Variants in GUCA1A observed in about 807,000 individuals in gnomAD.
GUCA1A encodes guanylyl cyclase-activating protein 1.
Under a neutral mutation model 18.5 loss-of-function variants are expected in GUCA1A, and 14 were observed. The observed-to-expected ratio is 0.76, with a 90% CI of 0.50 to 1.18. GUCA1A has a LOEUF of 1.18. Ranked by LOEUF, GUCA1A falls within the 50% of genes most tolerant of loss-of-function variation. The pLI is 0.00. For synonymous variants in GUCA1A, 97 were observed against 100.2 expected, an observed-to-expected ratio of 0.97 and a Z score of 0.19; for missense variants, 264 against 262.4, an observed-to-expected ratio of 1.01 and a Z score of -0.04.
Position 42,176,425 on chromosome 6 carries a change from G to GTT in GUCA1A, c.202-1850_202-1849dup, listed in dbSNP as rs11435399. ...AAGTTTTTGTTGTTGTTGTTGTTTT[G>GTT]TTTTTTGTTGTTGTTGTTGTTTTTT... On this transcript the variant is annotated intron_variant, in intron 1 of 3. Coordinates refer to ENST00000372958, the MANE Select transcript of GUCA1A (RefSeq NM_001384910.1). Among the ~76,000 whole-genome samples the GTT allele has an allele frequency of 4.6e-3, 699 of 151,806 alleles. 4 individuals carry two copies. Among genetic ancestry groups the GTT allele is most frequent in the African/African-American group, 0.016 (681 of 41,296 alleles).
intron 1 of GUCA1A, among the ~76,000 whole-genome samples, chr6:42,176,919 G>A (rs1409838634): frequency 6.6e-6 from 1 of 152,142 alleles, no homozygotes; most frequent in Non-Finnish European, 1.5e-5. Context: ...TTACTCTTTG[G>A]CTCTTTACAG....
chr6:42,178,607 C>T (rs1325663497), intron 2 of GUCA1A, 178 bp downstream of exon 2: 2 of 808,352 alleles, frequency 2.5e-6, no homozygotes, highest in African/African-American at 3.4e-5. Flanking sequence ...CTTCCTTGGC[C>T]TCAGTTTCCT....
chr6:42,176,002 G>A (rs569580804), intron 1 of GUCA1A, among the ~76,000 whole-genome samples: 4 of 145,614 alleles, frequency 2.7e-5, no homozygotes, highest in South Asian at 2.1e-4. Context: ...AGCACCTGTC[G>A]TCTTCCAATA....
chr6:42,173,562 C>A lies in GUCA1A; in HGVS notation c.-52C>A. On this transcript the variant is annotated 5_prime_UTR_variant, in exon 1 of 4. Transcript: ENST00000372958. ...GGCCAAGACACCTTTGGGCGAGGAG[C>A]AGCGAACAGGGCCTGTCCATCTCAG... is the stretch of plus-strand genomic sequence containing the variant. 2 of 1,446,220 alleles carry A rather than the reference C, an allele frequency of 1.4e-6. No homozygotes were observed. Among genetic ancestry groups the A allele is most frequent in the Admixed American group, 3.3e-5 (2 of 59,828 alleles). The allele number at this position is 1,446,220 out of a possible 1,614,324, so 89.6% of individuals were successfully genotyped here. A position where few individuals can be genotyped will look rare whatever the true frequency, so the allele number is the denominator to read the frequency against.
At chr6:42,175,019 A>T (rs1767915528) in intron 1 of GUCA1A, among the ~76,000 whole-genome samples, 1 of 152,224 alleles carries the variant, frequency 6.6e-6, no homozygotes, top group South Asian at 2.1e-4. Context: ...CAGGTGTAGT[A>T]TGAGGGAGCC....
intron 1 of GUCA1A, 106 bp from the exon 2 acceptor site, chr6:42,178,174 T>C (rs537587612): frequency 3.9e-5 from 53 of 1,366,914 alleles, no homozygotes; most frequent in South Asian, 3.0e-4. Context: ...TCAGCGTCTC[T>C]TGGGGCTTGC....
In GUCA1A at chr6:42,179,302, A is replaced by G. The variant is rs2113838936; in HGVS notation, c.505A>G (p.Thr169Ala). ...CCAGAAGGACCAGATGCTCCTGGACACACTGACACGAAGCCTGGACCTTAC... is the reference window on the plus strand; with the variant it reads ...CCAGAAGGACCAGATGCTCCTGGACGCACTGACACGAAGCCTGGACCTTAC... ...GVQKDQMLLD[T>A]LTRSLDLTRI... The change falls in exon 4 of 4, where the codon ACA becomes GCA. Residue 169 changes from threonine to alanine, a missense_variant. By Grantham distance (58) the Thr-to-Ala change is moderately conservative (BLOSUM62 0). Coordinates refer to ENST00000372958, the MANE Select transcript of GUCA1A (RefSeq NM_001384910.1). 1.2e-6 allele frequency: 2 copies of G among 1,613,684 alleles called. No individual in the cohort carries two copies. Among genetic ancestry groups the G allele is most frequent in the East Asian group, 4.5e-5 (2 of 44,878 alleles).
At chr6:42,174,674 A>G (rs1767902438) in intron 1 of GUCA1A, among the ~76,000 whole-genome samples, 1 of 152,162 alleles carries the variant, frequency 6.6e-6, no homozygotes, top group Non-Finnish European at 1.5e-5. Context: ...GATGCCGTGG[A>G]TGTTGGGAGC....
intron 1 of GUCA1A, 144 bp downstream of exon 1, chr6:42,173,958 T>A (rs1767885087): frequency 1.5e-6 from 1 of 661,362 alleles, no homozygotes; most frequent in East Asian, 2.7e-5. Flanking sequence ...TTTGTTTATT[T>A]GATAGGTGGG....
Position 42,178,835 on chromosome 6 carries a change from A to T in GUCA1A, c.385A>T (p.Thr129Ser), listed in dbSNP as rs1237209080. The T allele has an allele frequency of 6.2e-7, 1 of 1,613,766 alleles. No individual in the cohort carries two copies. The highest frequency in any genetic ancestry group is 1.1e-5 in the South Asian group (1 of 91,076). The part of the protein sequence containing the change: ...IRAINPCSDT[T>S]MTAEEFTDTV... ...CGCCATTAACCCCTGCAGCGATACC[A>T]CCATGACTGCAGAGGAGTTCACCGA... Residue 129 changes from threonine to serine, a missense_variant, in exon 3 of 4, where the codon ACC becomes TCC. Transcript: ENST00000372958.
At chr6:42,176,447 T>G (rs6903367) in intron 1 of GUCA1A, among the ~76,000 whole-genome samples, 16,126 of 151,946 alleles carry the variant, frequency 0.11, 2,868 homozygotes, top group African/African-American at 0.37. Context: ...TGTTGTTGTT[T>G]TTTGAGATGG....
At position 42,179,280 on chromosome 6, in the gene GUCA1A, G is replaced by A. The variant is rs771258578; in HGVS notation, c.483G>A (p.Gln161=). ...LSLEEFIEGV[Q]KDQMLLDTLT... The stretch of plus-strand genomic sequence containing the variant: ...TGGAAGAGTTTATAGAGGGCGTCCA[G>A]AAGGACCAGATGCTCCTGGACACAC... Residue 161 remains glutamine, a synonymous_variant, in exon 4 of 4, where the codon CAG becomes CAA. Coordinates refer to ENST00000372958, the MANE Select transcript of GUCA1A (RefSeq NM_001384910.1). 3 of 1,613,862 alleles carry A rather than the reference G, an allele frequency of 1.9e-6. 1 individual carries two copies. The South Asian group carries it at 3.3e-5, about 18-fold the overall frequency.
intron 1 of GUCA1A, among the ~76,000 whole-genome samples, chr6:42,177,680 T>C (rs753318783): frequency 6.6e-6 from 1 of 152,190 alleles, no homozygotes; most frequent in Non-Finnish European, 1.5e-5. Flanking sequence ...TTTAGCAGTT[T>C]TCTTGCTTAT....
chr6:42,179,670 C>A lies in GUCA1A; in HGVS notation c.*267C>A, dbSNP rs368498697. Reference sequence around the variant, plus strand: ...CAACATCCCTCTGCCGTCGGGTGACCCCCTAGCCCTTCTGACTCCTCTCCC... The same window carrying A: ...CAACATCCCTCTGCCGTCGGGTGACACCCTAGCCCTTCTGACTCCTCTCCC... On this transcript the variant is annotated 3_prime_UTR_variant, in exon 4 of 4. Transcript: ENST00000372958. The A allele has an allele frequency of 8.5e-6, 3 of 353,624 alleles. No homozygotes were observed. The East Asian group carries it at 1.5e-4, about 17-fold the overall frequency. 21.9% of individuals were successfully genotyped at this position (353,624 alleles called of 1,614,324 possible). A position where few individuals can be genotyped will look rare whatever the true frequency, so the allele number is the denominator to read the frequency against.
At chr6:42,178,968 A>G in intron 3 of GUCA1A, 73 bp downstream of exon 3, 2 of 1,176,924 alleles carry the variant, frequency 1.7e-6, no homozygotes, top group Non-Finnish European at 2.6e-6. Flanking sequence ...GTGGAAGGTC[A>G]CTAAAGGAGA....
intron 1 of GUCA1A, among the ~76,000 whole-genome samples, chr6:42,176,460 T>G (rs1767965070): frequency 6.6e-6 from 1 of 151,982 alleles, no homozygotes; most frequent in African/African-American, 2.4e-5. Context: ...TGAGATGGAG[T>G]TTTGCTCTTG....
In GUCA1A at chr6:42,173,766, G is replaced by A. The variant is rs567846072; in HGVS notation, c.153G>A (p.Ser51=). Residue 51 remains serine, a synonymous_variant, in exon 1 of 4, where the codon TCG becomes TCA. Transcript: ENST00000372958. ...TCGGCCTCAAGAACCTGAGCCCGTC[G>A]GCCAGCCAGTACGTGGAACAGATGT... ...QFFGLKNLSP[S]ASQYVEQMFE... The A allele has an allele frequency of 8.7e-6, 14 of 1,614,006 alleles. No individual in the cohort carries two copies. Among genetic ancestry groups the A allele is most frequent in the South Asian group, 4.4e-5 (4 of 91,080 alleles).
chr6:42,176,523 T>C (rs145924535), intron 1 of GUCA1A, among the ~76,000 whole-genome samples: 1,923 of 152,096 alleles, frequency 0.013, 48 homozygotes, highest in African/African-American at 0.043. Context: ...AACCTCCACC[T>C]CCTGGGTTCA....
chr6:42,173,787 G>A lies in GUCA1A; in HGVS notation c.174G>A (p.Gln58=). The A allele has an allele frequency of 1.2e-5, 19 of 1,614,020 alleles. No individual in the cohort carries two copies. The highest frequency in any genetic ancestry group is 3.3e-4 in the Middle Eastern group (2 of 6,058). The change falls in exon 1 of 4, where the codon CAG becomes CAA. Residue 58 remains glutamine (Q), a synonymous_variant. Transcript: ENST00000372958. ...LSPSASQYVE[Q]MFETFDFNKD... Reference sequence around the variant, plus strand: ...CGTCGGCCAGCCAGTACGTGGAACAGATGTTTGAGACTTTTGACTTCAACA... The same window carrying A: ...CGTCGGCCAGCCAGTACGTGGAACAAATGTTTGAGACTTTTGACTTCAACA...
Sources: gnomAD v4.1 joint callset for allele counts (sites outside exome capture counted in the v4.1 genomes callset) on GRCh38, gnomAD v4.1.1 for gene constraint, MANE v1.5 for transcripts, NCBI Gene and HGNC (gene_info 2026-07-23, HGNC 2026-07-21) for gene names.